TEX11: variants seen among roughly 807,000 people sequenced by gnomAD.
TEX11 encodes testis-expressed protein 11.
In TEX11, 7 loss-of-function variants were observed where a neutral mutation model predicts 84.4. The observed-to-expected ratio is 0.08, with a 90% CI of 0.05 to 0.16. The LOEUF (loss-of-function observed/expected upper bound fraction) is 0.16. Ranked by LOEUF, TEX11 falls within the 10% of genes least tolerant of loss-of-function variation. The pLI, the probability that TEX11 is intolerant of heterozygous loss-of-function variation, is 1.00. For missense variants in TEX11, 551 were observed against 660.5 expected (o/e 0.83, Z 1.82); for synonymous variants, 264 against 222.8 (o/e 1.18, Z -1.64).
intron 24 of TEX11, among the ~76,000 whole-genome samples, chrX:70,602,076 C>T (rs778361664): frequency 2.3e-4 from 26 of 111,496 alleles, no homozygotes; most frequent in Admixed American, 2.3e-3. Flanking sequence ...GGGGTCCTGG[C>T]CGGGCAGAGG....
At chrX:70,512,211 C>G in the TEX11 span, among the ~76,000 whole-genome samples, 1 of 107,416 alleles carries the variant, frequency 9.3e-6, no homozygotes, top group Non-Finnish European at 1.9e-5. Context: ...CCAGTTCAAC[C>G]TTCTCCACAA....
chrX:70,721,695 A>C (rs1429526556), intron 13 of TEX11, among the ~76,000 whole-genome samples: 2 of 111,982 alleles, frequency 1.8e-5, no homozygotes, highest in Non-Finnish European at 3.8e-5. Context: ...TTTTACTGGA[A>C]TAAAAGCCAC....
chrX:70,548,913 G>A (rs1414704172), intron 28 of TEX11, among the ~76,000 whole-genome samples: 3 of 111,601 alleles, frequency 2.7e-5, no homozygotes, highest in Non-Finnish European at 5.6e-5. Context: ...ATGCGACCTA[G>A]TGAGACACCA....
At chrX:70,513,824 C>T in the TEX11 span, among the ~76,000 whole-genome samples, 11 of 107,961 alleles carry the variant, frequency 1.0e-4, 2 homozygotes, top group African/African-American at 1.4e-4. Flanking sequence ...AAATTGAAAA[C>T]GGAAGGGAAA....
At chrX:70,724,670 T>C (rs921684526) in intron 12 of TEX11, among the ~76,000 whole-genome samples, 11 of 111,367 alleles carry the variant, frequency 9.9e-5, no homozygotes, top group Admixed American at 7.7e-4. Flanking sequence ...ACTACAGTAA[T>C]AGGTAACATA....
chrX:70,889,527 A>T (rs1204847439), intron 2 of TEX11, among the ~76,000 whole-genome samples: 1 of 111,980 alleles, frequency 8.9e-6, no homozygotes, highest in Non-Finnish European at 1.9e-5. Context: ...TGGTGTGTAA[A>T]CTACTCTAAG....
chrX:70,830,080 T>TA (rs1184909367), intron 8 of TEX11, among the ~76,000 whole-genome samples: 111 of 108,793 alleles, frequency 1.0e-3, no homozygotes, highest in African/African-American at 3.4e-3. Flanking sequence ...CTGAATGGAT[T>TA]AAAAAAAAAC....
intron 9 of TEX11, among the ~76,000 whole-genome samples, chrX:70,753,950 C>A (rs1274031929): frequency 9.4e-6 from 1 of 106,945 alleles, no homozygotes; most frequent in African/African-American, 3.4e-5. Context: ...ATAGTCAGGT[C>A]CTACGTCGAG....
At chrX:70,644,037 A>G (rs7880904) in intron 17 of TEX11, among the ~76,000 whole-genome samples, 18,971 of 102,440 alleles carry the variant, frequency 0.19, 1,580 homozygotes, top group African/African-American at 0.2. Context: ...CAAAGGGCTA[A>G]TATCCAGAAT....
At chrX:70,722,200 T>G (rs898836213) in intron 13 of TEX11, among the ~76,000 whole-genome samples, 1 of 112,251 alleles carries the variant, frequency 8.9e-6, no homozygotes, top group East Asian at 2.8e-4. Context: ...TAATCTGTAA[T>G]GTCCAATAAG....
chrX:70,697,867 T>A (rs2090293518), intron 13 of TEX11, among the ~76,000 whole-genome samples: 1 of 112,025 alleles, frequency 8.9e-6, no homozygotes, highest in Non-Finnish European at 1.9e-5. Context: ...AGGTTAAGCA[T>A]CTGCAAAGTG....
intron 10 of TEX11, among the ~76,000 whole-genome samples, chrX:70,742,738 T>C (rs1347816518): frequency 9.1e-6 from 1 of 110,044 alleles, no homozygotes; most frequent in Non-Finnish European, 1.9e-5. Context: ...AAAATTTTTT[T>C]TGGAGATGGA....
At chrX:70,857,391 T>C (rs988858133) in intron 5 of TEX11, 28 of 151,222 alleles carry the variant, frequency 1.9e-4, no homozygotes, top group Non-Finnish European at 3.2e-4. Flanking sequence ...TTGTCATCTA[T>C]ACCAGGCCTA....
chrX:70,623,681 T>A lies in TEX11; in HGVS notation c.1751+269A>T, dbSNP rs148956766. 6.3e-5 allele frequency among the ~76,000 whole-genome samples: 7 copies of A among 111,955 alleles called. No individual in the cohort carries two copies. In the East Asian group the frequency reaches 2.0e-3, roughly 31 times the overall value. ...TTTGCCTTTTAGATGTTTTAACTCA[T>A]TGAGTCATCACAGCAACCCAATGGT... On this transcript the variant is annotated intron_variant, in intron 20 of 29. Coordinates refer to ENST00000374333, the MANE Select transcript of TEX11 (RefSeq NM_031276.3).
At chrX:70,564,736 A>G (rs1257037649) in intron 25 of TEX11, among the ~76,000 whole-genome samples, 5 of 108,444 alleles carry the variant, frequency 4.6e-5, no homozygotes, top group Non-Finnish European at 9.6e-5. Flanking sequence ...ACATGAACTC[A>G]TCATTTTTTA....
At position 70,563,969 on chromosome X, in the gene TEX11, C is replaced by G. The variant is rs183301735; in HGVS notation, c.2141-9169G>C. On this transcript the variant is annotated intron_variant, in intron 25 of 29. Coordinates refer to ENST00000374333, the MANE Select transcript of TEX11 (RefSeq NM_031276.3). ...TGATGCCGGGTGTGGTGGTCCACGC[C>G]TGTAATCCCAGCACTTTGGGAGGCC... Among the ~76,000 whole-genome samples the G allele has an allele frequency of 7.0e-4, 79 of 112,352 alleles. 1 individual carries two copies. The East Asian group carries it at 0.011, about 15-fold the overall frequency.
intron 16 of TEX11, among the ~76,000 whole-genome samples, chrX:70,654,544 C>G (rs2089842052): frequency 9.2e-6 from 1 of 109,095 alleles, no homozygotes. Flanking sequence ...AACCCCATCT[C>G]TACTAAAAAT....
At chrX:70,700,567 A>T (rs924723205) in intron 13 of TEX11, among the ~76,000 whole-genome samples, 1 of 111,134 alleles carries the variant, frequency 9.0e-6, no homozygotes, top group African/African-American at 3.3e-5. Flanking sequence ...TTCCTTGGGC[A>T]CCCCTATTCC....
intron 3 of TEX11, among the ~76,000 whole-genome samples, chrX:70,876,062 A>T (rs1167218979): frequency 1.7e-4 from 19 of 112,483 alleles, no homozygotes; most frequent in Non-Finnish European, 2.1e-4. Context: ...TGAAGCGAAT[A>T]TGGTAAAATG....
Sources: allele counts gnomAD v4.1 joint callset (sites outside exome capture counted in the v4.1 genomes callset), GRCh38; gene constraint gnomAD v4.1.1; transcripts MANE v1.5; gene names NCBI Gene and HGNC (gene_info 2026-07-23, HGNC 2026-07-21).